The following STAB2 variants were observed in gnomAD, a reference collection of about 807,000 sequenced individuals.
STAB2 encodes the protein stabilin 2.
In STAB2, 288 loss-of-function variants were observed where a neutral mutation model predicts 338.1. The ratio of observed to expected loss-of-function variants is 0.85; its 90% CI spans 0.77 to 0.94. The LOEUF (loss-of-function observed/expected upper bound fraction) is 0.94. STAB2 is among the 40% of genes least tolerant of loss of function. The pLI, the probability that STAB2 is intolerant of heterozygous loss-of-function variation, is 0.00. For missense variants in STAB2, 3,141 were observed against 3,210.1 expected, an observed-to-expected ratio of 0.98 and a Z score of 0.52; for synonymous variants, 1,202 against 1,193.3, an observed-to-expected ratio of 1.01 and a Z score of -0.15.
intron 15 of STAB2, among the ~76,000 whole-genome samples, 193 bp downstream of exon 15, chr12:103,655,774 C>T (rs1874135775): frequency 6.6e-6 from 1 of 152,130 alleles, no homozygotes; most frequent in African/African-American, 2.4e-5. Context: ...GCTTCAGTCT[C>T]TTCGATAGAA....
At chr12:103,743,089 C>G (rs1882723336) in intron 56 of STAB2, among the ~76,000 whole-genome samples, 1 of 144,010 alleles carries the variant, frequency 6.9e-6, no homozygotes, top group South Asian at 2.2e-4. Context: ...ATGGCGCAAT[C>G]TCAGCTCACT....
intron 55 of STAB2, 93 bp downstream of exon 55, chr12:103,740,849 A>T (rs1882529261): frequency 1.7e-5 from 25 of 1,446,184 alleles, no homozygotes; most frequent in Middle Eastern, 1.9e-4. Flanking sequence ...TTATAGGGGG[A>T]TGGGGGAAAC....
chr12:103,753,130 C>G (rs1157870950), intron 60 of STAB2, 90 bp from the exon 61 acceptor site: 1 of 1,537,780 alleles, frequency 6.5e-7, no homozygotes, highest in Admixed American at 1.9e-5. Context: ...TATAGCTGGC[C>G]TTCATTTTGA....
intron 3 of STAB2, among the ~76,000 whole-genome samples, chr12:103,607,220 G>A (rs1166807065): frequency 6.6e-6 from 1 of 151,408 alleles, no homozygotes; most frequent in Non-Finnish European, 1.5e-5. Context: ...TGGAAATTTT[G>A]GCCACATTTT....
intron 3 of STAB2, among the ~76,000 whole-genome samples, chr12:103,617,954 C>T (rs1030395053): frequency 1.4e-4 from 21 of 152,274 alleles, no homozygotes; most frequent in African/African-American, 4.8e-4. Flanking sequence ...ATGGAAGGAG[C>T]CCCAGAGAAA....
Position 103,674,040 on chromosome 12 carries a change from G to A in STAB2, c.2505G>A (p.Gln835=), listed in dbSNP as rs770469773. The change falls in exon 23 of 69, where the codon CAG becomes CAA. Residue 835 remains glutamine (Q), a synonymous_variant. Transcript: ENST00000388887. The part of the protein sequence containing the change: ...KQTSACGPYV[Q]FCHIHATCEY... ...CCTCAGCCTGTGGGCCCTACGTGCA[G>A]TTCTGTCACATCCACGCCACCTGTG... The A allele has an allele frequency of 2.2e-5, 36 of 1,613,930 alleles. No individual in the cohort carries two copies. In the South Asian group the frequency reaches 3.8e-4, roughly 17 times the overall value.
At chr12:103,705,555 C>T (rs960663401) in intron 36 of STAB2, 77 bp from the exon 37 acceptor site, 76 of 1,211,906 alleles carry the variant, frequency 6.3e-5, no homozygotes, top group Non-Finnish European at 8.1e-5. Flanking sequence ...AGCAATGCAT[C>T]ACCCACCTAC....
chr12:103,659,267 C>T (rs986474555), intron 15 of STAB2, among the ~76,000 whole-genome samples: 24 of 152,298 alleles, frequency 1.6e-4, no homozygotes, highest in African/African-American at 5.8e-4. Context: ...CAGGATTGTA[C>T]CAGACAAGCC....
intron 25 of STAB2, 24 bp downstream of exon 25, chr12:103,677,635 AAG>A: frequency 6.3e-7 from 1 of 1,596,314 alleles, no homozygotes; most frequent in East Asian, 2.3e-5. Context: ...CATGAGAGCA[AAG>A]AGAAAGCAGG....
At chr12:103,635,268 G>A (rs1212077286) in intron 6 of STAB2, among the ~76,000 whole-genome samples, 2 of 152,164 alleles carry the variant, frequency 1.3e-5, no homozygotes, top group South Asian at 2.1e-4. Context: ...TTGCCTGCTC[G>A]TGATAATGGA....
chr12:103,690,662 CAT>C, intron 30 of STAB2, 124 bp downstream of exon 30: 3 of 725,036 alleles, frequency 4.1e-6, no homozygotes, highest in East Asian at 2.8e-5. Flanking sequence ...CAGAATCCCT[CAT>C]GTGGGCATCA....
intron 1 of STAB2, among the ~76,000 whole-genome samples, chr12:103,588,111 G>C (rs189860091): frequency 6.6e-6 from 1 of 152,150 alleles, no homozygotes; most frequent in Non-Finnish European, 1.5e-5. Context: ...CAAGCTCACC[G>C]AGGTGTCATC....
intron 5 of STAB2, among the ~76,000 whole-genome samples, chr12:103,626,587 C>T (rs767629548): frequency 1.1e-4 from 17 of 152,278 alleles, no homozygotes; most frequent in Non-Finnish European, 2.1e-4. Context: ...AAGCAAGTCA[C>T]GGATGAATGA....
At chr12:103,653,495 C>T (rs544845882) in intron 12 of STAB2, among the ~76,000 whole-genome samples, 3 of 152,330 alleles carry the variant, frequency 2.0e-5, no homozygotes, top group Admixed American at 2.0e-4. Context: ...CATTCTTAAC[C>T]AATCTGCTGC....
At chr12:103,666,186 T>A in intron 18 of STAB2, 105 bp from the exon 19 acceptor site, 1 of 1,118,066 alleles carries the variant, frequency 8.9e-7, no homozygotes. Flanking sequence ...CATGGCTCAG[T>A]GGGGTTTCCT....
At chr12:103,678,982 ACAGT>A (rs1159180811) in intron 25 of STAB2, among the ~76,000 whole-genome samples, 2 of 152,202 alleles carry the variant, frequency 1.3e-5, no homozygotes, top group Admixed American at 6.5e-5. Context: ...TTGTGCAGAG[ACAGT>A]CAGAAGTGTT....
At chr12:103,595,326 G>A (rs1956858902) in intron 3 of STAB2, among the ~76,000 whole-genome samples, 2 of 152,018 alleles carry the variant, frequency 1.3e-5, no homozygotes, top group Non-Finnish European at 2.9e-5. Context: ...CATAAAAGGA[G>A]AGATTGGTTC....
chr12:103,609,985 A>G (rs1488572071), intron 3 of STAB2, among the ~76,000 whole-genome samples: 1 of 152,188 alleles, frequency 6.6e-6, no homozygotes, highest in African/African-American at 2.4e-5. Context: ...ATGCTGGATT[A>G]TGATTATTGA....
chr12:103,741,899 G>A (rs1882615389), intron 55 of STAB2, among the ~76,000 whole-genome samples: 1 of 152,012 alleles, frequency 6.6e-6, no homozygotes, highest in East Asian at 1.9e-4. Context: ...GAATACTCTG[G>A]GTTGAGAGCC....
Sources: allele counts gnomAD v4.1 joint callset (sites outside exome capture counted in the v4.1 genomes callset), GRCh38; gene constraint gnomAD v4.1.1; transcripts MANE v1.5; gene names NCBI Gene and HGNC (gene_info 2026-07-23, HGNC 2026-07-21).